ITFG1: variants seen among roughly 807,000 people sequenced by gnomAD.
The protein encoded by ITFG1 is T-cell immunomodulatory protein.
A neutral mutation model predicts 81.8 loss-of-function variants in ITFG1; 34 were observed. That is an observed-to-expected ratio of 0.42 (90% CI 0.32 to 0.55). The LOEUF (loss-of-function observed/expected upper bound fraction) is 0.55, where lower values mean the gene tolerates loss of function less well. Ranked by LOEUF, ITFG1 falls within the 20% of genes least tolerant of loss-of-function variation. The probability of loss-of-function intolerance (pLI) is 0.17; values close to 1 mark genes in which losing one functional copy is unlikely to be tolerated. For missense variants in ITFG1, 672 were observed against 755.4 expected, an observed-to-expected ratio of 0.89 and a Z score of 1.29; for synonymous variants, 285 against 270.6, an observed-to-expected ratio of 1.05 and a Z score of -0.52.
At chr16:47,178,671 G>A (rs1258904615) in intron 14 of ITFG1, among the ~76,000 whole-genome samples, 2 of 152,150 alleles carry the variant, frequency 1.3e-5, no homozygotes, top group African/African-American at 4.8e-5. Context: ...TATGGGCAAG[G>A]ACTTCATGTC....
At chr16:47,205,473 G>A (rs1194247702) in intron 14 of ITFG1, among the ~76,000 whole-genome samples, 1 of 152,144 alleles carries the variant, frequency 6.6e-6, no homozygotes, top group Non-Finnish European at 1.5e-5. Context: ...ATCGGGATGA[G>A]AAAAAGTAAA....
At chr16:47,364,947 C>T (rs937499766) in intron 8 of ITFG1, among the ~76,000 whole-genome samples, 5 of 152,210 alleles carry the variant, frequency 3.3e-5, no homozygotes, top group Non-Finnish European at 7.3e-5. Flanking sequence ...CCAAGTAGCT[C>T]GGGCTATAGG....
intron 14 of ITFG1, among the ~76,000 whole-genome samples, chr16:47,174,915 G>A (rs190425005): frequency 1.3e-5 from 2 of 152,114 alleles, no homozygotes; most frequent in South Asian, 4.1e-4. Flanking sequence ...ATGATATCTC[G>A]ATGAAAAGAA....
chr16:47,219,009 C>T, intron 13 of ITFG1, 63 bp from the exon 14 acceptor site: 1 of 1,217,288 alleles, frequency 8.2e-7, no homozygotes, highest in South Asian at 1.6e-5. Flanking sequence ...AAGTTTCAGG[C>T]AAATCTCTTT....
chr16:47,179,880 C>T lies in ITFG1; in HGVS notation c.1454-17216G>A, dbSNP rs12102726. The stretch of plus-strand genomic sequence containing the variant: ...GTTTATAGAAAACTTCTTAAAACGA[C>T]GGTTGTCCTCTTTTCCTGAAAGTTG... On this transcript the variant is annotated intron_variant, in intron 14 of 17. Coordinates refer to ENST00000320640, the MANE Select transcript of ITFG1 (RefSeq NM_030790.5). 5.2e-3 allele frequency among the ~76,000 whole-genome samples: 787 copies of T among 152,244 alleles called. 5 individuals carry two copies. The highest frequency in any genetic ancestry group is 0.015 in the African/African-American group (613 of 41,542).
intron 6 of ITFG1, among the ~76,000 whole-genome samples, chr16:47,409,671 C>T (rs1458009533): frequency 6.6e-6 from 1 of 150,910 alleles, no homozygotes; most frequent in African/African-American, 2.4e-5. Flanking sequence ...CCCGCCTCGG[C>T]CTCCCAAAGT....
chr16:47,302,380 A>ATT (rs755492872), intron 10 of ITFG1, among the ~76,000 whole-genome samples: 63 of 145,088 alleles, frequency 4.3e-4, no homozygotes, highest in African/African-American at 1.4e-3. Context: ...CATTTTTGGT[A>ATT]TTTTTTTTTT....
At chr16:47,175,444 T>C (rs937738416) in intron 14 of ITFG1, among the ~76,000 whole-genome samples, 6 of 152,018 alleles carry the variant, frequency 3.9e-5, no homozygotes, top group Admixed American at 2.6e-4. Context: ...TATTCACAGA[T>C]AGCTTTAATA....
At chr16:47,241,748 A>G (rs1045046909) in intron 12 of ITFG1, among the ~76,000 whole-genome samples, 1 of 151,944 alleles carries the variant, frequency 6.6e-6, no homozygotes, top group Non-Finnish European at 1.5e-5. Flanking sequence ...GAGGTCAGGA[A>G]ATCGAGACCA....
chr16:47,340,506 T>C (rs1051598452), intron 8 of ITFG1, among the ~76,000 whole-genome samples: 7 of 152,064 alleles, frequency 4.6e-5, no homozygotes, highest in East Asian at 1.9e-4. Flanking sequence ...GTAATACCCA[T>C]GGTAACCACA....
At chr16:47,184,714 C>T (rs1295420491) in intron 14 of ITFG1, among the ~76,000 whole-genome samples, 9 of 151,908 alleles carry the variant, frequency 5.9e-5, no homozygotes, top group African/African-American at 1.2e-4. Context: ...GAAGAAACTG[C>T]GTCAACTAAT....
intron 8 of ITFG1, among the ~76,000 whole-genome samples, chr16:47,321,994 A>C (rs897219411): frequency 3.3e-5 from 5 of 152,182 alleles, no homozygotes; most frequent in African/African-American, 1.2e-4. Context: ...TAATTTTTAA[A>C]TGGCATAAAT....
At position 47,308,883 on chromosome 16, in the gene ITFG1, A is replaced by G. The variant is rs570111341; in HGVS notation, c.1070+2357T>C. ...TTTCATTCGTGACTTGCAATGTATT[A>G]ATAACAATAAAACTCTTCTTAAATA... is the stretch of plus-strand genomic sequence containing the variant. On this transcript the variant is annotated intron_variant, in intron 10 of 17. Transcript: ENST00000320640. Among the ~76,000 whole-genome samples, 5 of 152,234 alleles carry G rather than the reference A, an allele frequency of 3.3e-5. No individual in the cohort carries two copies. The East Asian group carries it at 9.7e-4, about 29-fold the overall frequency.
At chr16:47,429,728 A>G (rs1176816854) in intron 5 of ITFG1, among the ~76,000 whole-genome samples, 1 of 152,200 alleles carries the variant, frequency 6.6e-6, no homozygotes, top group South Asian at 2.1e-4. Flanking sequence ...CATTCTCTGG[A>G]GAAATGTCTA....
intron 10 of ITFG1, among the ~76,000 whole-genome samples, chr16:47,293,889 T>C (rs1352959946): frequency 6.6e-6 from 1 of 152,140 alleles, no homozygotes; most frequent in African/African-American, 2.4e-5. Context: ...CATATGTCTA[T>C]TTTTGTCATT....
At chr16:47,316,533 A>T (rs1239476731) in intron 8 of ITFG1, among the ~76,000 whole-genome samples, 1 of 152,220 alleles carries the variant, frequency 6.6e-6, no homozygotes, top group Non-Finnish European at 1.5e-5. Flanking sequence ...CAATGCATTT[A>T]TCCAATGTGC....
At chr16:47,460,807 C>A (rs369227674) in intron 1 of ITFG1, 31 bp downstream of exon 1, 45 of 1,607,498 alleles carry the variant, frequency 2.8e-5, no homozygotes, top group Non-Finnish European at 3.7e-5. Flanking sequence ...ACACGGACAG[C>A]GAACAGAGGG....
Position 47,211,621 on chromosome 16 carries a change from C to T in ITFG1, c.1453+7247G>A, listed in dbSNP as rs115526290. Among the ~76,000 whole-genome samples the T allele has an allele frequency of 5.7e-3, 867 of 152,334 alleles. 7 individuals carry two copies. The highest frequency in any genetic ancestry group is 0.02 in the African/African-American group (829 of 41,566). ...CGACGCAGACCATTCAGTCTTTTAT[C>T]ATTAAGCATAAATTCAGCTGAAGGT... On this transcript the variant is annotated intron_variant, in intron 14 of 17. Coordinates refer to ENST00000320640, the MANE Select transcript of ITFG1 (RefSeq NM_030790.5).
At chr16:47,459,856 AT>A (rs1167002399) in intron 1 of ITFG1, among the ~76,000 whole-genome samples, 1 of 152,220 alleles carries the variant, frequency 6.6e-6, no homozygotes, top group East Asian at 1.9e-4. Context: ...AGTCAAAAAG[AT>A]TGGGAAAATA....
Sources: allele counts gnomAD v4.1 joint callset (sites outside exome capture counted in the v4.1 genomes callset), GRCh38; gene constraint gnomAD v4.1.1; transcripts MANE v1.5; gene names NCBI Gene and HGNC (gene_info 2026-07-23, HGNC 2026-07-21).